The following ERMARD variants were observed in gnomAD, a reference collection of about 807,000 sequenced individuals.
ERMARD encodes the protein ER membrane associated RNA degradation.
A neutral mutation model predicts 83.9 loss-of-function variants in ERMARD; 71 were observed. That is an observed-to-expected ratio of 0.85 (90% CI 0.70 to 1.03). The LOEUF (loss-of-function observed/expected upper bound fraction) is 1.03. ERMARD is among the 50% of genes least tolerant of loss of function. The probability of loss-of-function intolerance (pLI) is 0.00; values close to 1 mark genes in which losing one functional copy is unlikely to be tolerated. For synonymous variants in ERMARD, 284 were observed against 298.6 expected (o/e 0.95, Z 0.50); for missense variants, 838 against 810.9 (o/e 1.03, Z -0.41).
chr6:169,752,048 T>A (rs575281779), intron 1 of ERMARD: 1 of 266,220 alleles, frequency 3.8e-6, no homozygotes, highest in Non-Finnish European at 7.0e-6. Context: ...GCCTGTAGGG[T>A]CCACACTCGG....
chr6:169,755,007 T>C (rs1790621243), intron 2 of ERMARD, among the ~76,000 whole-genome samples: 1 of 152,190 alleles, frequency 6.6e-6, no homozygotes, highest in South Asian at 2.1e-4. Flanking sequence ...TATTCTTATG[T>C]ACAGGTAAAG....
At chr6:169,764,157 G>GC (rs1791900571) in intron 9 of ERMARD, among the ~76,000 whole-genome samples, 1 of 152,008 alleles carries the variant, frequency 6.6e-6, no homozygotes, top group Non-Finnish European at 1.5e-5. Context: ...AAACTGAGAA[G>GC]CCCCCCGCCT....
At chr6:169,753,563 G>C (rs1178629736) in intron 1 of ERMARD, among the ~76,000 whole-genome samples, 1 of 151,294 alleles carries the variant, frequency 6.6e-6, no homozygotes, top group Non-Finnish European at 1.5e-5. Flanking sequence ...TAAGTGAAAG[G>C]CAAGTTTATT....
At position 169,756,806 on chromosome 6, in the gene ERMARD, G is replaced by A. The variant is rs781429204; in HGVS notation, c.505G>A (p.Val169Met). ...EELAQVFSQS[V>M]MNVLKVFVGS... Reference sequence around the variant, plus strand: ...GCTTGCTCAAGTCTTCAGTCAGTCTGTGGTAAGCTTGTTCATCTAAACTCA... The same window carrying A: ...GCTTGCTCAAGTCTTCAGTCAGTCTATGGTAAGCTTGTTCATCTAAACTCA... Residue 169 changes from valine (V) to methionine (M), a missense_variant and splice_region_variant, in exon 5 of 18, where the codon GTG becomes ATG. Val to Met is a conservative substitution (Grantham distance 21). Transcript: ENST00000366773. 1 of 1,613,798 alleles carries A rather than the reference G, an allele frequency of 6.2e-7. No individual in the cohort carries two copies. Among genetic ancestry groups the A allele is most frequent in the Admixed American group, 1.7e-5 (1 of 60,024 alleles).
At chr6:169,779,093 A>T in intron 16 of ERMARD, 89 bp from the exon 17 acceptor site, 1 of 1,103,358 alleles carries the variant, frequency 9.1e-7, no homozygotes. Context: ...GGACTTAAGG[A>T]TGTTGATTAG....
rs775557378 is a variant in ERMARD at position 169,756,709 on chromosome 6, T to G, written c.418-10T>G. 6.2e-7 allele frequency: 1 copy of G among 1,612,150 alleles called. No homozygotes were observed. On this transcript the variant is annotated splice_polypyrimidine_tract_variant and intron_variant, in intron 4 of 17. Coordinates refer to ENST00000366773, the MANE Select transcript of ERMARD (RefSeq NM_018341.3). ...ATACAACTGTTACACAATTTTTGTT[T>G]GAATTTTAGGTATTTTTACTGATTG...
chr6:169,768,763 C>G (rs141862600), intron 11 of ERMARD, among the ~76,000 whole-genome samples: 1 of 152,076 alleles, frequency 6.6e-6, no homozygotes, highest in Non-Finnish European at 1.5e-5. Flanking sequence ...AAGACTCCGT[C>G]TGAAAATAAA....
In ERMARD at chr6:169,769,612, A is replaced by G. The variant is rs747697613; in HGVS notation, c.1132A>G (p.Asn378Asp). Residue 378 changes from asparagine (N) to aspartate (D), a missense_variant, in exon 12 of 18, where the codon AAC becomes GAC. Coordinates refer to ENST00000366773, the MANE Select transcript of ERMARD (RefSeq NM_018341.3). ...IRDHLSHGEINLHEFSKETTN... is the reference protein window; with the variant it reads ...IRDHLSHGEIDLHEFSKETTN... Reference sequence around the variant, plus strand: ...AGATCATTTAAGCCACGGGGAGATCAACTTACATGAATTTTCAAAAGAAAC... The same window carrying G: ...AGATCATTTAAGCCACGGGGAGATCGACTTACATGAATTTTCAAAAGAAAC... 1 of 1,613,500 alleles carries G rather than the reference A, an allele frequency of 6.2e-7. No individual in the cohort carries two copies. The highest frequency in any genetic ancestry group is 1.1e-5 in the South Asian group (1 of 90,816).
intron 5 of ERMARD, among the ~76,000 whole-genome samples, chr6:169,757,835 A>G (rs1791008428): frequency 6.6e-6 from 1 of 152,234 alleles, no homozygotes; most frequent in Non-Finnish European, 1.5e-5. Context: ...AGTGCATGGA[A>G]TGAAGATAAA....
At chr6:169,763,162 TATG>T (rs1426143541) in intron 9 of ERMARD, among the ~76,000 whole-genome samples, 2 of 152,306 alleles carry the variant, frequency 1.3e-5, no homozygotes, top group East Asian at 3.9e-4. Context: ...TTTTAGTAGT[TATG>T]ATAAGATCCT....
chr6:169,766,351 T>A (rs930159970), intron 9 of ERMARD, among the ~76,000 whole-genome samples: 2 of 152,240 alleles, frequency 1.3e-5, no homozygotes, highest in African/African-American at 4.8e-5. Context: ...AGCAGCGATT[T>A]GTGAGGGCCT....
intron 12 of ERMARD, among the ~76,000 whole-genome samples, chr6:169,772,770 CAAAAAAA>C (rs60417475): frequency 1.0e-5 from 1 of 100,160 alleles, no homozygotes; most frequent in African/African-American, 3.6e-5. Context: ...GACTCTGTCT[CAAAAAAA>C]AAAAAAAAAA....
chr6:169,766,552 A>C, intron 9 of ERMARD, 86 bp from the exon 10 acceptor site: 1 of 1,105,982 alleles, frequency 9.0e-7, no homozygotes, highest in Non-Finnish European at 1.3e-6. Flanking sequence ...GTGGCCATGT[A>C]CCAGAATTTT....
upstream of ERMARD, chr6:169,751,372 T>G (rs202229935): frequency 1.3e-4 from 210 of 1,614,164 alleles, no homozygotes; most frequent in Admixed American, 9.0e-4. Context: ...GCCTCCTTTC[T>G]TTCCTAGGCG....
chr6:169,779,379 T>C (rs1562355479), intron 17 of ERMARD, 84 bp downstream of exon 17: 1 of 1,198,704 alleles, frequency 8.3e-7, no homozygotes, highest in South Asian at 1.2e-5. Context: ...ATTGGGGCAG[T>C]GTGAGTGACA....
intron 10 of ERMARD, chr6:169,767,774 C>A (rs1585387480): frequency 5.8e-6 from 2 of 345,906 alleles, no homozygotes. Flanking sequence ...CACACACACA[C>A]ACACACAGGC....
In ERMARD at chr6:169,759,848, A is replaced by G. The variant is rs748141217; in HGVS notation, c.616A>G (p.Met206Val). ...TATGGTATTTCCTAGATACTGTTCAATGATGATACTGTTGACGGCAGGATT... is the reference window on the plus strand; with the variant it reads ...TATGGTATTTCCTAGATACTGTTCAGTGATGATACTGTTGACGGCAGGATT... ...PEEIPPKYCS[M>V]MILLTAGLGQ... The change falls in exon 7 of 18, where the codon ATG (methionine) becomes GTG (valine). Residue 206 changes from methionine to valine, a missense_variant. Transcript: ENST00000366773. The G allele has an allele frequency of 6.2e-7, 1 of 1,614,166 alleles. No homozygotes were observed. Among genetic ancestry groups the G allele is most frequent in the Non-Finnish European group, 8.5e-7 (1 of 1,179,974 alleles).
At chr6:169,766,765 C>T in intron 10 of ERMARD, 98 bp downstream of exon 10, 1 of 1,259,588 alleles carries the variant, frequency 7.9e-7, no homozygotes, top group Non-Finnish European at 1.1e-6. Context: ...AGCCATAAAT[C>T]ATATACTTAC....
chr6:169,776,003 G>A lies in ERMARD; in HGVS notation c.1458G>A (p.Leu486=), dbSNP rs763728033. Residue 486 remains leucine (L), a synonymous_variant, in exon 15 of 18, where the codon CTG becomes CTA. Coordinates refer to ENST00000366773, the MANE Select transcript of ERMARD (RefSeq NM_018341.3). The stretch of plus-strand genomic sequence containing the variant: ...TGATTACAAAAATGACGGATGAGCT[G>A]TATCACCATATGCCTGAGAATCGTT... ...HSLITKMTDE[L]YHHMPENRCV... is the part of the protein sequence containing the mutation. 6.2e-7 allele frequency: 1 copy of A among 1,614,118 alleles called. No homozygotes were observed. The highest frequency in any genetic ancestry group is 1.7e-5 in the Admixed American group (1 of 60,002).
Sources: gnomAD v4.1 joint callset for allele counts (sites outside exome capture counted in the v4.1 genomes callset) on GRCh38, gnomAD v4.1.1 for gene constraint, MANE v1.5 for transcripts, NCBI Gene and HGNC (gene_info 2026-07-23, HGNC 2026-07-21) for gene names.